Variants in SCN3B observed in about 807,000 individuals in gnomAD.
SCN3B encodes the protein sodium voltage-gated channel beta subunit 3.
In SCN3B, 11 loss-of-function variants were observed where a neutral mutation model predicts 25.4. That is an observed-to-expected ratio of 0.43 (90% CI 0.27 to 0.72). The LOEUF is 0.72. Ranked by LOEUF, SCN3B falls within the 30% of genes least tolerant of loss-of-function variation. The pLI, the probability that SCN3B is intolerant of heterozygous loss-of-function variation, is 0.18. For missense variants in SCN3B, 218 were observed against 278.3 expected (o/e 0.78, Z 1.54); for synonymous variants, 109 against 110.7 (o/e 0.99, Z 0.09).
rs2137228660 is a variant in SCN3B, at chr11:123,632,131, C to A, written c.*1668G>T. The stretch of plus-strand genomic sequence containing the variant: ...ACGAGATATTGACTAAAGTTTTTTC[C>A]AGTTTCTCTGCTCCCTCAAAATCTA... On this transcript the variant is annotated 3_prime_UTR_variant, in exon 7 of 7. Coordinates refer to ENST00000299333, the MANE Select transcript of SCN3B (RefSeq NM_001040151.2). The A allele has an allele frequency of 6.6e-6, 1 of 152,252 alleles. No individual in the cohort carries two copies. Among genetic ancestry groups the A allele is most frequent in the South Asian group, 2.1e-4 (1 of 4,810 alleles). 9.4% of individuals were successfully genotyped at this position (152,252 alleles called of 1,614,324 possible). A position where few individuals can be genotyped will look rare whatever the true frequency, so the allele number is the denominator to read the frequency against.
chr11:123,643,732 G>A (rs1435486368), intron 3 of SCN3B, among the ~76,000 whole-genome samples: 1 of 152,200 alleles, frequency 6.6e-6, no homozygotes, highest in Non-Finnish European at 1.5e-5. Flanking sequence ...GGGCAGGCCT[G>A]GAAGCAATGT....
chr11:123,632,093 A>G lies in SCN3B; in HGVS notation c.*1706T>C, dbSNP rs1228212946. The G allele has an allele frequency of 6.6e-6, 1 of 152,192 alleles. No individual in the cohort carries two copies. The allele number at this position is 152,192 out of a possible 1,614,324, so 9.4% of individuals were successfully genotyped here. On this transcript the variant is annotated 3_prime_UTR_variant, in exon 7 of 7. Transcript: ENST00000299333. ...ATGTCACACTTGGACCTGTCACTTA[A>G]TTAAAATGAAACACGAGATATTGAC... is the stretch of plus-strand genomic sequence containing the variant.
Position 123,645,600 on chromosome 11 carries a change from C to T in SCN3B, c.206G>A (p.Gly69Asp). The T allele has an allele frequency of 6.2e-7, 1 of 1,614,158 alleles. No homozygotes were observed. The highest frequency in any genetic ancestry group is 8.5e-7 in the Non-Finnish European group (1 of 1,180,020). ...AGTCTAACATACAAGGAAATCTTTA[C>T]CGCCCTCGGGCCTGTAGAACCATTC... ...VVEWFYRPEGGKDFLIYEYRN... is the reference protein window; with the variant it reads ...VVEWFYRPEGDKDFLIYEYRN... The change falls in exon 3 of 7, where the codon GGT becomes GAT. Residue 69 changes from glycine to aspartate, a missense_variant. Gly to Asp is a moderately conservative substitution (Grantham distance 94). Coordinates refer to ENST00000299333, the MANE Select transcript of SCN3B (RefSeq NM_001040151.2).
rs1148110 is a variant in SCN3B at position 123,634,251 on chromosome 11, C to G, written c.585-45G>C. 903,342 of 1,528,848 alleles carry G rather than the reference C, an allele frequency of 0.59. 274,360 individuals are homozygous for G. The highest frequency in any genetic ancestry group is 0.91 in the African/African-American group (66,965 of 73,486). 94.7% of individuals were successfully genotyped at this position (1,528,848 alleles called of 1,614,324 possible). On this transcript the variant is annotated intron_variant, in intron 5 of 6. Coordinates refer to ENST00000299333, the MANE Select transcript of SCN3B (RefSeq NM_001040151.2). ...AGGGAATCAGAGCTTCAGTGCCCAG[C>G]GTGGGAACACAAGATGGGGAAGGAG...
chr11:123,653,978 C>T (rs1015364608), intron 1 of SCN3B, 152 bp from the exon 2 acceptor site: 3 of 695,000 alleles, frequency 4.3e-6, no homozygotes, highest in Non-Finnish European at 4.9e-6. Context: ...CTTTTGGAGC[C>T]GGGTGGGGGC....
intron 2 of SCN3B, among the ~76,000 whole-genome samples, chr11:123,653,387 T>C (rs1173612426): frequency 1.3e-5 from 2 of 151,624 alleles, no homozygotes; most frequent in African/African-American, 4.8e-5. Flanking sequence ...TCCAGGAGTA[T>C]AGACTCCTTG....
At chr11:123,633,858 G>A (rs1399197343) in intron 6 of SCN3B, 82 bp from the exon 7 acceptor site, 5 of 409,700 alleles carry the variant, frequency 1.2e-5, no homozygotes, top group Non-Finnish European at 2.3e-5. Flanking sequence ...ACCAAAGAAG[G>A]GAGTTGGAGA....
In SCN3B at chr11:123,629,387, C is replaced by T. The variant is rs963229557; in HGVS notation, c.*4412G>A. On this transcript the variant is annotated 3_prime_UTR_variant, in exon 7 of 7. Coordinates refer to ENST00000299333, the MANE Select transcript of SCN3B (RefSeq NM_001040151.2). The stretch of plus-strand genomic sequence containing the variant: ...CACACACACTGCTCAGCAGAGGCAG[C>T]TCTTGCCAAGCCGTGACGCAGGGAG... The T allele has an allele frequency of 4.5e-4, 69 of 152,362 alleles. 1 individual carries two copies. Among genetic ancestry groups the T allele is most frequent in the African/African-American group, 1.4e-3 (60 of 41,588 alleles). 9.4% of individuals were successfully genotyped at this position (152,362 alleles called of 1,614,324 possible).
At chr11:123,637,113 C>T (rs781039994) in intron 5 of SCN3B, among the ~76,000 whole-genome samples, 12 of 152,192 alleles carry the variant, frequency 7.9e-5, no homozygotes, top group Non-Finnish European at 1.8e-4. Context: ...CCCAGACAAC[C>T]AGCCAGCATG....
intron 2 of SCN3B, among the ~76,000 whole-genome samples, chr11:123,651,611 G>A (rs1175862948): frequency 2.6e-5 from 4 of 152,286 alleles, no homozygotes; most frequent in Non-Finnish European, 5.9e-5. Context: ...TGATCCACCC[G>A]CCTCGGCCTC....
chr11:123,645,358 T>G (rs1955842485), intron 3 of SCN3B, among the ~76,000 whole-genome samples: 1 of 152,182 alleles, frequency 6.6e-6, no homozygotes, highest in South Asian at 2.1e-4. Flanking sequence ...ATCTCTTTCC[T>G]CTGCTTCCTC....
At chr11:123,639,819 A>C (rs2137238027) in intron 4 of SCN3B, 1 of 152,352 alleles carries the variant, frequency 6.6e-6, no homozygotes, top group East Asian at 1.9e-4. Flanking sequence ...TAAAGTGCTC[A>C]ATAAGTACTT....
intron 5 of SCN3B, among the ~76,000 whole-genome samples, chr11:123,636,933 C>T (rs1359119077): frequency 1.3e-5 from 2 of 152,208 alleles, no homozygotes; most frequent in Non-Finnish European, 2.9e-5. Flanking sequence ...ACCTCATGAT[C>T]TGCCTGCCTC....
At chr11:123,649,355 G>T (rs1720337) in intron 2 of SCN3B, among the ~76,000 whole-genome samples, 12,462 of 152,168 alleles carry the variant, frequency 0.082, 530 homozygotes, top group Middle Eastern at 0.11. Flanking sequence ...TGCCCCTAAG[G>T]CAACAATAAT....
intron 3 of SCN3B, among the ~76,000 whole-genome samples, chr11:123,643,061 G>C (rs975981384): frequency 1.3e-5 from 2 of 152,090 alleles, no homozygotes; most frequent in African/African-American, 2.4e-5. Context: ...AAAAGATAGA[G>C]AGAACAAGAG....
chr11:123,651,197 C>A (rs1442413465), intron 2 of SCN3B, among the ~76,000 whole-genome samples: 4 of 151,464 alleles, frequency 2.6e-5, no homozygotes, highest in Admixed American at 2.6e-4. Flanking sequence ...AATAAGGAAA[C>A]TTTTTTTCAT....
At chr11:123,635,623 T>C (rs1163306935) in intron 5 of SCN3B, among the ~76,000 whole-genome samples, 1 of 151,810 alleles carries the variant, frequency 6.6e-6, no homozygotes, top group East Asian at 1.9e-4. Flanking sequence ...GAGGCAGAGC[T>C]TGGAGTGAGC....
chr11:123,651,239 C>G (rs537583629), intron 2 of SCN3B, among the ~76,000 whole-genome samples: 1 of 152,044 alleles, frequency 6.6e-6, no homozygotes, highest in East Asian at 1.9e-4. Context: ...AGACTCTTTC[C>G]CTTCATATTG....
chr11:123,636,987 C>T (rs370607516), intron 5 of SCN3B, among the ~76,000 whole-genome samples: 7 of 152,158 alleles, frequency 4.6e-5, no homozygotes, highest in Admixed American at 2.0e-4. Flanking sequence ...CCACCGCGCC[C>T]GGCCAAAATG....
Sources: allele counts gnomAD v4.1 joint callset (sites outside exome capture counted in the v4.1 genomes callset), GRCh38; gene constraint gnomAD v4.1.1; transcripts MANE v1.5; gene names NCBI Gene and HGNC (gene_info 2026-07-23, HGNC 2026-07-21).